The following NEK1 variants were observed in gnomAD, a reference collection of about 807,000 sequenced individuals.
NEK1 encodes serine/threonine-protein kinase Nek1.
Under a neutral mutation model 182.1 loss-of-function variants are expected in NEK1, and 137 were observed. The ratio of observed to expected loss-of-function variants is 0.75; its 90% CI spans 0.65 to 0.87. The LOEUF (loss-of-function observed/expected upper bound fraction) is 0.87, where lower values mean the gene tolerates loss of function less well. NEK1 is among the 40% of genes least tolerant of loss of function. The pLI is 0.00. For synonymous variants in NEK1, 513 were observed against 492.2 expected, an observed-to-expected ratio of 1.04 and a Z score of -0.56; for missense variants, 1,391 against 1,494.4, an observed-to-expected ratio of 0.93 and a Z score of 1.14.
At chr4:169,512,218 C>T (rs1420692891) in intron 19 of NEK1, among the ~76,000 whole-genome samples, 1 of 152,102 alleles carries the variant, frequency 6.6e-6, no homozygotes, top group African/African-American at 2.4e-5. Flanking sequence ...ATGGCTGTAT[C>T]ATTTTACATT....
intron 8 of NEK1, 129 bp downstream of exon 8, chr4:169,588,520 A>G: frequency 2.0e-6 from 1 of 499,330 alleles, no homozygotes; most frequent in Non-Finnish European, 3.6e-6. Flanking sequence ...TATTAGCAAC[A>G]TTTTATATAT....
At chr4:169,542,648 T>A (rs1759652052) in intron 18 of NEK1, among the ~76,000 whole-genome samples, 1 of 152,068 alleles carries the variant, frequency 6.6e-6, no homozygotes, top group African/African-American at 2.4e-5. Context: ...TTTCTCTACA[T>A]CCTCTCCAGC....
chr4:169,455,338 AAG>A (rs1742656662), intron 27 of NEK1, among the ~76,000 whole-genome samples: 1 of 152,130 alleles, frequency 6.6e-6, no homozygotes, highest in South Asian at 2.1e-4. Flanking sequence ...AAAAAAAAAA[AAG>A]AAGACTCAAT....
intron 19 of NEK1, among the ~76,000 whole-genome samples, chr4:169,536,362 A>C (rs1758500573): frequency 6.6e-6 from 1 of 152,028 alleles, no homozygotes; most frequent in African/African-American, 2.4e-5. Context: ...TAAAGAGAAA[A>C]ATTTTAAAGT....
rs370711492 is a variant in NEK1, at chr4:169,566,335, C to G, written c.1021-4139G>C. Among the ~76,000 whole-genome samples, 4 of 152,284 alleles carry G rather than the reference C, an allele frequency of 2.6e-5. No individual in the cohort carries two copies. In the East Asian group the frequency reaches 7.7e-4, roughly 29 times the overall value. ...TTCAAATATTTATGAAATGAAAATACTAAGCTGTTCCTCTAAGATCACACA... is the reference window on the plus strand; with the variant it reads ...TTCAAATATTTATGAAATGAAAATAGTAAGCTGTTCCTCTAAGATCACACA... On this transcript the variant is annotated intron_variant, in intron 12 of 35. Coordinates refer to ENST00000507142, the MANE Select transcript of NEK1 (RefSeq NM_001199397.3).
intron 27 of NEK1, among the ~76,000 whole-genome samples, chr4:169,439,191 T>C (rs1213510017): frequency 6.6e-6 from 1 of 152,198 alleles, no homozygotes; most frequent in Admixed American, 6.5e-5. Context: ...GCCTACTATA[T>C]CTGCATACAC....
rs752487538 is a variant in NEK1 at position 169,585,488 on chromosome 4, A to G, written c.668T>C (p.Val223Ala). The G allele has an allele frequency of 6.2e-7, 1 of 1,613,692 alleles. No homozygotes were observed. Among genetic ancestry groups the G allele is most frequent in the Admixed American group, 1.7e-5 (1 of 59,972 alleles). The part of the protein sequence containing the change: ...LKIISGSFPP[V>A]SLHYSYDLRS... ...GAGATCATAGGAATAATGCAAAGACACAGGTGGAAAAGATCCAGATATTAT... is the reference window on the plus strand; with the variant it reads ...GAGATCATAGGAATAATGCAAAGACGCAGGTGGAAAAGATCCAGATATTAT... Residue 223 changes from valine to alanine, a missense_variant, in exon 10 of 36, where the codon GTG becomes GCG. Coordinates refer to ENST00000507142, the MANE Select transcript of NEK1 (RefSeq NM_001199397.3).
At chr4:169,500,100 TG>T (rs1752146569) in intron 23 of NEK1, among the ~76,000 whole-genome samples, 1 of 152,116 alleles carries the variant, frequency 6.6e-6, no homozygotes, top group Non-Finnish European at 1.5e-5. Flanking sequence ...TTGGCAATGG[TG>T]GGCACCCCTC....
At chr4:169,480,646 G>T (rs1253261984) in intron 23 of NEK1, among the ~76,000 whole-genome samples, 1 of 152,072 alleles carries the variant, frequency 6.6e-6, no homozygotes, top group Non-Finnish European at 1.5e-5. Flanking sequence ...TGTTGGGGTG[G>T]CTATGACAAT....
At chr4:169,466,059 AGACAAG>A (rs950375129) in intron 26 of NEK1, among the ~76,000 whole-genome samples, 1 of 152,148 alleles carries the variant, frequency 6.6e-6, no homozygotes, top group Non-Finnish European at 1.5e-5. Flanking sequence ...TGTAACTAGT[AGACAAG>A]GACATTTATA....
intron 35 of NEK1, 124 bp downstream of exon 35, chr4:169,400,101 A>G (rs1436887199): frequency 1.1e-6 from 1 of 950,632 alleles, no homozygotes; most frequent in Non-Finnish European, 1.7e-6. Flanking sequence ...TTATTGCTTA[A>G]AAGTTATATA....
intron 4 of NEK1, 96 bp downstream of exon 4, chr4:169,601,912 T>C (rs1770560095): frequency 1.2e-6 from 1 of 856,346 alleles, no homozygotes; most frequent in African/African-American, 1.7e-5. Flanking sequence ...GCGTATGTTT[T>C]TAAGCAAAAA....
chr4:169,491,536 G>C (rs979686187), intron 23 of NEK1, among the ~76,000 whole-genome samples: 3 of 152,076 alleles, frequency 2.0e-5, no homozygotes, highest in African/African-American at 4.8e-5. Flanking sequence ...AAATAAAATA[G>C]AAGTAAAGTC....
intron 23 of NEK1, among the ~76,000 whole-genome samples, chr4:169,496,076 C>T (rs1196551929): frequency 6.6e-6 from 1 of 152,170 alleles, no homozygotes; most frequent in Non-Finnish European, 1.5e-5. Flanking sequence ...CCTTTTATTT[C>T]ATTGAGCAGT....
chr4:169,472,175 C>CAA (rs368704005), intron 26 of NEK1, among the ~76,000 whole-genome samples: 9 of 149,684 alleles, frequency 6.0e-5, no homozygotes, highest in African/African-American at 2.2e-4. Context: ...ACAAAAAAAA[C>CAA]AAAAAAAAAC....
At chr4:169,491,136 C>CAAAAAAAAAAA (rs70964208) in intron 23 of NEK1, among the ~76,000 whole-genome samples, 3 of 45,912 alleles carry the variant, frequency 6.5e-5, no homozygotes, top group African/African-American at 1.3e-4. Flanking sequence ...GACTCCATCT[C>CAAAAAAAAAAA]AAAAAAAAAA....
chr4:169,525,837 C>T (rs1298366262), intron 19 of NEK1, among the ~76,000 whole-genome samples: 1 of 152,314 alleles, frequency 6.6e-6, no homozygotes, highest in South Asian at 2.1e-4. Context: ...ACAACATAGT[C>T]AAACAGCTAA....
intron 18 of NEK1, among the ~76,000 whole-genome samples, chr4:169,551,005 T>C (rs1273913537): frequency 2.6e-5 from 4 of 152,224 alleles, no homozygotes; most frequent in African/African-American, 9.6e-5. Context: ...GAATCCACAA[T>C]AGTAAAGATT....
At chr4:169,488,480 G>A (rs535173731) in intron 23 of NEK1, among the ~76,000 whole-genome samples, 5 of 152,144 alleles carry the variant, frequency 3.3e-5, no homozygotes, top group African/African-American at 9.6e-5. Context: ...GATCAGTTCC[G>A]TGTAGGTATG....
Sources: allele counts gnomAD v4.1 joint callset (sites outside exome capture counted in the v4.1 genomes callset), GRCh38; gene constraint gnomAD v4.1.1; transcripts MANE v1.5; gene names NCBI Gene and HGNC (gene_info 2026-07-23, HGNC 2026-07-21).